MDGA2: variants seen among roughly 807,000 people sequenced by gnomAD.
MDGA2 encodes the protein MAM domain containing glycosylphosphatidylinositol anchor 2.
In MDGA2, 40 loss-of-function variants were observed where a neutral mutation model predicts 117.8. The ratio of observed to expected loss-of-function variants is 0.34; its 90% CI spans 0.26 to 0.44. MDGA2 has a LOEUF of 0.44. MDGA2 is among the 20% of genes least tolerant of loss of function. The pLI is 1.00. For synonymous variants in MDGA2, 452 were observed against 439.0 expected, an observed-to-expected ratio of 1.03 and a Z score of -0.37; for missense variants, 1,123 against 1,250.6, an observed-to-expected ratio of 0.90 and a Z score of 1.54.
intron 1 of MDGA2, among the ~76,000 whole-genome samples, chr14:47,434,170 A>C (rs2138532889): frequency 6.6e-6 from 1 of 152,218 alleles, no homozygotes; most frequent in East Asian, 1.9e-4. Context: ...ATTATTGAAT[A>C]GGTGCCCTTT....
intron 10 of MDGA2, among the ~76,000 whole-genome samples, chr14:46,918,748 C>T (rs1309254455): frequency 7.4e-6 from 1 of 135,240 alleles, no homozygotes; most frequent in South Asian, 2.2e-4. Context: ...GAATATGCTA[C>T]ATACAGTGTA....
At chr14:47,640,630 ACTGTTCTCTCACCTTCTAAGATCCAT>A (rs1231037775) in intron 1 of MDGA2, among the ~76,000 whole-genome samples, 4 of 152,066 alleles carry the variant, frequency 2.6e-5, no homozygotes, top group African/African-American at 9.7e-5. Context: ...TTGACACTTG[ACTGTTCTCTCACCTTCTAAGATCCAT>A]CTACTCTCCA....
intron 1 of MDGA2, among the ~76,000 whole-genome samples, chr14:47,472,472 A>G (rs1179781155): frequency 1.3e-5 from 2 of 152,180 alleles, no homozygotes; most frequent in African/African-American, 4.8e-5. Flanking sequence ...AAACAAAGAA[A>G]AGGTATACTA....
intron 10 of MDGA2, among the ~76,000 whole-genome samples, chr14:46,913,589 C>A (rs1883787093): frequency 6.6e-6 from 1 of 152,148 alleles, no homozygotes; most frequent in Non-Finnish European, 1.5e-5. Flanking sequence ...ATAAAGTTAT[C>A]CAACAATCAA....
At chr14:46,942,269 C>G (rs1418889472) in intron 9 of MDGA2, among the ~76,000 whole-genome samples, 2 of 152,062 alleles carry the variant, frequency 1.3e-5, no homozygotes, top group Admixed American at 1.3e-4. Context: ...GCATATGTTA[C>G]TACAATATGC....
chr14:46,992,569 A>C (rs949072694), intron 8 of MDGA2, among the ~76,000 whole-genome samples: 6 of 152,168 alleles, frequency 3.9e-5, no homozygotes, highest in African/African-American at 1.4e-4. Context: ...TATGCATTAG[A>C]ATAGTATAAT....
chr14:47,036,359 T>A (rs563429399), intron 7 of MDGA2, among the ~76,000 whole-genome samples: 6 of 152,080 alleles, frequency 3.9e-5, no homozygotes, highest in African/African-American at 7.2e-5. Flanking sequence ...AGAAGTTAGA[T>A]TGATTTTACT....
chr14:46,978,222 T>G (rs191608529), intron 8 of MDGA2, among the ~76,000 whole-genome samples: 6 of 152,142 alleles, frequency 3.9e-5, no homozygotes, highest in Non-Finnish European at 8.8e-5. Context: ...CTTAATTTAC[T>G]CTTTTGTCTA....
intron 1 of MDGA2, among the ~76,000 whole-genome samples, chr14:47,466,262 C>T (rs1893601841): frequency 1.3e-5 from 2 of 151,744 alleles, no homozygotes; most frequent in Admixed American, 1.3e-4. Context: ...TACAATAAAC[C>T]CATGTGACAT....
chr14:46,902,157 A>C (rs1883311849), intron 10 of MDGA2, among the ~76,000 whole-genome samples: 1 of 152,182 alleles, frequency 6.6e-6, no homozygotes, highest in Non-Finnish European at 1.5e-5. Context: ...TCTTTATATA[A>C]ATACATCTAT....
chr14:47,439,935 C>T (rs972167644), intron 1 of MDGA2, among the ~76,000 whole-genome samples: 20 of 151,884 alleles, frequency 1.3e-4, no homozygotes, highest in South Asian at 8.3e-4. Flanking sequence ...TTACTTTTAG[C>T]CTTTTTTTCT....
intron 1 of MDGA2, among the ~76,000 whole-genome samples, chr14:47,608,584 G>A (rs2138896997): frequency 6.6e-6 from 1 of 152,246 alleles, no homozygotes; most frequent in African/African-American, 2.4e-5. Context: ...GATAGGCACT[G>A]TAAAAAGGAA....
chr14:47,178,503 C>A (rs1884567983), intron 3 of MDGA2, among the ~76,000 whole-genome samples: 2 of 151,992 alleles, frequency 1.3e-5, no homozygotes, highest in Non-Finnish European at 2.9e-5. Context: ...AGTCTATTTT[C>A]TTTAAGAGTT....
At chr14:47,151,385 C>T (rs190742953) in intron 3 of MDGA2, among the ~76,000 whole-genome samples, 83 of 152,268 alleles carry the variant, frequency 5.5e-4, no homozygotes, top group Middle Eastern at 3.4e-3. Flanking sequence ...CATCTTCCAA[C>T]GCTTCCAGGA....
In MDGA2 at chr14:47,061,849, A is replaced by C. The variant is rs181265076; in HGVS notation, c.1196-271T>G. ...CAGTGATATCAAAAGTAATGCCTTA[A>C]GTCTATGTGCAATTATACTTAAATA... On this transcript the variant is annotated intron_variant, in intron 6 of 16. Transcript: ENST00000399232. 2.4e-4 allele frequency among the ~76,000 whole-genome samples: 36 copies of C among 152,170 alleles called. 1 individual carries two copies. The highest frequency in any genetic ancestry group is 2.3e-3 in the Admixed American group (35 of 15,254).
intron 8 of MDGA2, chr14:46,960,607 T>C (rs1885755819): frequency 1.3e-5 from 2 of 151,842 alleles, no homozygotes; most frequent in African/African-American, 2.4e-5. Flanking sequence ...TAAATAAAGG[T>C]CTCAAAGTAT....
intron 1 of MDGA2, among the ~76,000 whole-genome samples, chr14:47,434,086 T>G: frequency 6.6e-6 from 1 of 152,004 alleles, no homozygotes; most frequent in East Asian, 1.9e-4. Context: ...AGCAAAAAAA[T>G]AAGACTTTTG....
chr14:47,189,005 T>C (rs536127871), intron 3 of MDGA2, among the ~76,000 whole-genome samples: 37 of 152,296 alleles, frequency 2.4e-4, no homozygotes, highest in African/African-American at 7.9e-4. Flanking sequence ...GTCTGTATAA[T>C]ACTCTAAGCA....
intron 2 of MDGA2, among the ~76,000 whole-genome samples, chr14:47,278,975 G>A (rs753256740): frequency 9.9e-5 from 15 of 152,080 alleles, no homozygotes; most frequent in Non-Finnish European, 7.4e-5. Context: ...AAACTGCATA[G>A]TATTCTGCTT....
Sources: gnomAD v4.1 joint callset for allele counts (sites outside exome capture counted in the v4.1 genomes callset) on GRCh38, gnomAD v4.1.1 for gene constraint, MANE v1.5 for transcripts, NCBI Gene and HGNC (gene_info 2026-07-23, HGNC 2026-07-21) for gene names.